The following DLGAP1 variants were observed in gnomAD, a reference collection of about 807,000 sequenced individuals.
DLGAP1 encodes disks large-associated protein 1.
A neutral mutation model predicts 90.8 loss-of-function variants in DLGAP1; 11 were observed. The observed-to-expected ratio is 0.12, with a 90% CI of 0.08 to 0.20. The LOEUF (loss-of-function observed/expected upper bound fraction) is 0.20, where lower values mean the gene tolerates loss of function less well. Ranked by LOEUF, DLGAP1 falls within the 10% of genes least tolerant of loss-of-function variation. The pLI, the probability that DLGAP1 is intolerant of heterozygous loss-of-function variation, is 1.00. For missense variants in DLGAP1, 1,050 were observed against 1,333.8 expected (o/e 0.79, Z 3.31); for synonymous variants, 558 against 540.7 (o/e 1.03, Z -0.44).
intron 1 of DLGAP1, chr18:4,293,176 C>T (rs186872554): frequency 1.3e-5 from 2 of 152,154 alleles, no homozygotes; most frequent in Non-Finnish European, 2.9e-5. Context: ...AAGATCGAAG[C>T]AAATGAACAA....
At chr18:4,254,324 G>C (rs1048445040) in intron 1 of DLGAP1, among the ~76,000 whole-genome samples, 4 of 152,184 alleles carry the variant, frequency 2.6e-5, no homozygotes, top group African/African-American at 7.2e-5. Context: ...AGGTTGATTA[G>C]AGATGGACCA....
intron 2 of DLGAP1, among the ~76,000 whole-genome samples, chr18:4,067,561 C>A (rs2075387875): frequency 6.6e-6 from 1 of 151,534 alleles, no homozygotes; most frequent in South Asian, 2.1e-4. Flanking sequence ...TAACATAACC[C>A]AGGAGAGAAT....
chr18:3,905,643 T>C (rs951545387), intron 3 of DLGAP1, among the ~76,000 whole-genome samples: 1 of 152,128 alleles, frequency 6.6e-6, no homozygotes, highest in South Asian at 2.1e-4. Context: ...ATCAATTGTT[T>C]GTTAAAAGTT....
At chr18:4,247,049 T>C (rs1036585642) in intron 1 of DLGAP1, among the ~76,000 whole-genome samples, 1 of 151,992 alleles carries the variant, frequency 6.6e-6, no homozygotes, top group African/African-American at 2.4e-5. Flanking sequence ...TCACCTGAAT[T>C]GGAGGAGTAG....
chr18:4,232,688 G>A (rs2078325315), intron 1 of DLGAP1, among the ~76,000 whole-genome samples: 1 of 152,150 alleles, frequency 6.6e-6, no homozygotes, highest in South Asian at 2.1e-4. Context: ...ACACTATCTG[G>A]TTTGTGGACC....
chr18:3,569,275 C>T (rs538695915), intron 8 of DLGAP1, among the ~76,000 whole-genome samples: 1 of 152,010 alleles, frequency 6.6e-6, no homozygotes, highest in Non-Finnish European at 1.5e-5. Flanking sequence ...GCTGAGATTA[C>T]AGGCGTGAGC....
At chr18:4,385,943 C>A (rs1294090934) in intron 1 of DLGAP1, among the ~76,000 whole-genome samples, 1 of 152,052 alleles carries the variant, frequency 6.6e-6, no homozygotes, top group East Asian at 1.9e-4. Context: ...CTTATGAAAG[C>A]TTTTCAAGCA....
chr18:3,967,531 C>T (rs561707295), intron 3 of DLGAP1, among the ~76,000 whole-genome samples: 10 of 152,252 alleles, frequency 6.6e-5, no homozygotes, highest in African/African-American at 2.4e-4. Context: ...TTTAACAATC[C>T]CTGCAGGTGA....
chr18:3,745,999 T>C (rs1469569251), intron 5 of DLGAP1, among the ~76,000 whole-genome samples: 1 of 152,152 alleles, frequency 6.6e-6, no homozygotes, highest in Non-Finnish European at 1.5e-5. Context: ...TCAGCTATAC[T>C]TTATAGCTGC....
At position 4,342,101 on chromosome 18, in the gene DLGAP1, C is replaced by G. The variant is rs917326779; in HGVS notation, c.-267+112905G>C. Among the ~76,000 whole-genome samples, 2 of 152,080 alleles carry G rather than the reference C, an allele frequency of 1.3e-5. No homozygotes were observed. Among genetic ancestry groups the G allele is most frequent in the African/African-American group, 4.8e-5 (2 of 41,404 alleles). On this transcript the variant is annotated intron_variant, in intron 1 of 12. Transcript: ENST00000315677. This position sits in a 1 kb window ranked among gnomAD's most constrained non-coding sequence, Gnocchi z 5.8. ...TGAACACTAAATAAATGTTCCTTCCCTTCCCAAATCCATAGAATTTTAAAA... is the reference window on the plus strand; with the variant it reads ...TGAACACTAAATAAATGTTCCTTCCGTTCCCAAATCCATAGAATTTTAAAA...
intron 2 of DLGAP1, among the ~76,000 whole-genome samples, chr18:4,140,968 A>T (rs1350158680): frequency 6.6e-6 from 1 of 151,862 alleles, no homozygotes; most frequent in East Asian, 1.9e-4. Context: ...TCCTTTCATT[A>T]TCCTTGACCT....
chr18:3,851,871 A>G (rs898625074), intron 4 of DLGAP1, among the ~76,000 whole-genome samples: 1 of 152,154 alleles, frequency 6.6e-6, no homozygotes, highest in African/African-American at 2.4e-5. Flanking sequence ...CAGGGAAGAA[A>G]TGAGAAGAAA....
intron 7 of DLGAP1, chr18:3,597,428 T>C (rs1241393866): frequency 5.5e-6 from 2 of 363,352 alleles, no homozygotes; most frequent in Non-Finnish European, 1.1e-5. Flanking sequence ...ACCAGGGTAT[T>C]GTGCACTTAT....
chr18:4,372,605 C>T (rs1435566162), intron 1 of DLGAP1, among the ~76,000 whole-genome samples: 4 of 152,096 alleles, frequency 2.6e-5, no homozygotes, highest in Non-Finnish European at 5.9e-5. Context: ...CTTGAAGAAA[C>T]AAAAGCAGAG....
chr18:3,992,702 T>C (rs2073992917), intron 3 of DLGAP1, among the ~76,000 whole-genome samples: 1 of 151,872 alleles, frequency 6.6e-6, no homozygotes, highest in Non-Finnish European at 1.5e-5. Context: ...ATAAATGGAG[T>C]TCCATTGTTA....
At chr18:3,856,631 G>T (rs1292589680) in intron 4 of DLGAP1, among the ~76,000 whole-genome samples, 2 of 152,170 alleles carry the variant, frequency 1.3e-5, no homozygotes, top group African/African-American at 4.8e-5. Context: ...GGAGGCCGAA[G>T]CGGGCAGATC....
At chr18:4,107,980 T>G (rs1344075498) in intron 2 of DLGAP1, among the ~76,000 whole-genome samples, 1 of 152,194 alleles carries the variant, frequency 6.6e-6, no homozygotes, top group Non-Finnish European at 1.5e-5. Context: ...ATATAGCCCC[T>G]AGGCATACTG....
At chr18:3,829,506 T>G (rs1299982232) in intron 4 of DLGAP1, among the ~76,000 whole-genome samples, 2 of 151,722 alleles carry the variant, frequency 1.3e-5, no homozygotes, top group Admixed American at 6.6e-5. Flanking sequence ...TAGAGGCCTG[T>G]GTATAGGGGA....
rs568026386 is a variant in DLGAP1 at position 3,997,374 on chromosome 18, C to T, written c.-73+7742G>A. ...AAAAGTATTTTCTAAAATCTGTCTC[C>T]GTAGAGAAAGATGCCAGCTTGGGTC... On this transcript the variant is annotated intron_variant, in intron 3 of 12. Transcript: ENST00000315677. 1.6e-4 allele frequency among the ~76,000 whole-genome samples: 10 copies of T among 64,388 alleles called. 4 individuals are homozygous for T. In the South Asian group the frequency reaches 4.1e-3, roughly 26 times the overall value. 42.2% of individuals were successfully genotyped at this position (64,388 alleles called of 152,430 possible). A position where few individuals can be genotyped will look rare whatever the true frequency, so the allele number is the denominator to read the frequency against.
Sources: allele counts gnomAD v4.1 joint callset (sites outside exome capture counted in the v4.1 genomes callset), GRCh38; gene constraint gnomAD v4.1.1; non-coding constraint Gnocchi (gnomAD v3.1); transcripts MANE v1.5; gene names NCBI Gene and HGNC (gene_info 2026-07-23, HGNC 2026-07-21).